The following ENOX1 variants were observed in gnomAD, a reference collection of about 807,000 sequenced individuals.
ENOX1 encodes candidate growth-related and time keeping constitutive hydroquinone (NADH) oxidase.
A neutral mutation model predicts 82.5 loss-of-function variants in ENOX1; 42 were observed. That is an observed-to-expected ratio of 0.51 (90% CI 0.40 to 0.66). The LOEUF (loss-of-function observed/expected upper bound fraction) is 0.66. Ranked by LOEUF, ENOX1 falls within the 30% of genes least tolerant of loss-of-function variation. The pLI is 0.00. For synonymous variants in ENOX1, 271 were observed against 282.2 expected (o/e 0.96, Z 0.40); for missense variants, 608 against 811.6 (o/e 0.75, Z 3.05).
intron 3 of ENOX1, among the ~76,000 whole-genome samples, chr13:43,466,441 T>C (rs1425544808): frequency 1.3e-5 from 2 of 152,140 alleles, no homozygotes; most frequent in Non-Finnish European, 2.9e-5. Flanking sequence ...CTCTCACCAC[T>C]TGTACTCAGC....
At chr13:43,435,020 G>C (rs1342064666) in intron 3 of ENOX1, among the ~76,000 whole-genome samples, 4 of 138,530 alleles carry the variant, frequency 2.9e-5, no homozygotes, top group Non-Finnish European at 4.5e-5. Flanking sequence ...TTGTACACAA[G>C]AGGCAAGGAG....
chr13:43,303,002 A>G (rs1025702483), intron 11 of ENOX1, among the ~76,000 whole-genome samples: 16 of 152,374 alleles, frequency 1.1e-4, no homozygotes, highest in Admixed American at 8.5e-4. Flanking sequence ...GTGTTTCTCC[A>G]GAACTCTTAG....
intron 1 of ENOX1, among the ~76,000 whole-genome samples, chr13:43,703,900 A>G (rs1220112457): frequency 6.6e-6 from 1 of 152,030 alleles, no homozygotes; most frequent in Non-Finnish European, 1.5e-5. Context: ...TTATAGCAAA[A>G]TGGTAAACTA....
At chr13:43,425,751 G>A (rs1293715579) in intron 3 of ENOX1, among the ~76,000 whole-genome samples, 3 of 152,136 alleles carry the variant, frequency 2.0e-5, no homozygotes, top group African/African-American at 4.8e-5. Flanking sequence ...TTAACTAAAT[G>A]TTTATAAATT....
At chr13:43,623,146 A>G (rs2082814204) in intron 2 of ENOX1, among the ~76,000 whole-genome samples, 1 of 152,058 alleles carries the variant, frequency 6.6e-6, no homozygotes, top group East Asian at 1.9e-4. Context: ...CCAGGCAGAG[A>G]GCAATACGAG....
chr13:43,488,753 A>G (rs1020532259), intron 2 of ENOX1, among the ~76,000 whole-genome samples: 4 of 152,230 alleles, frequency 2.6e-5, no homozygotes, highest in African/African-American at 9.6e-5. Context: ...GAATGTTGGT[A>G]TAAGCATGAA....
At chr13:43,574,922 T>C (rs960101782) in intron 2 of ENOX1, among the ~76,000 whole-genome samples, 1 of 152,182 alleles carries the variant, frequency 6.6e-6, no homozygotes, top group African/African-American at 2.4e-5. Flanking sequence ...GTCATGCCTC[T>C]TCTTAACCAG....
intron 5 of ENOX1, among the ~76,000 whole-genome samples, chr13:43,398,207 G>A (rs757542630): frequency 6.6e-6 from 1 of 152,152 alleles, no homozygotes; most frequent in Admixed American, 6.5e-5. Flanking sequence ...CTCAATACAC[G>A]AGTTTTAATT....
chr13:43,227,151 T>G (rs935648107), intron 15 of ENOX1, among the ~76,000 whole-genome samples: 1 of 152,114 alleles, frequency 6.6e-6, no homozygotes, highest in Non-Finnish European at 1.5e-5. Flanking sequence ...GAGAGGTTGA[T>G]AACCCTTAGC....
At chr13:43,321,301 G>A (rs1250272159) in intron 11 of ENOX1, among the ~76,000 whole-genome samples, 1 of 152,162 alleles carries the variant, frequency 6.6e-6, no homozygotes, top group African/African-American at 2.4e-5. Context: ...TTTCTAATAA[G>A]TTCCTAGATG....
chr13:43,222,015 C>T (rs777723884), intron 16 of ENOX1, among the ~76,000 whole-genome samples: 1 of 152,308 alleles, frequency 6.6e-6, no homozygotes. Flanking sequence ...TGAGAAGGAA[C>T]CTGACAGCTC....
intron 12 of ENOX1, among the ~76,000 whole-genome samples, chr13:43,283,840 T>C (rs969986069): frequency 1.3e-5 from 2 of 152,146 alleles, no homozygotes; most frequent in South Asian, 2.1e-4. Flanking sequence ...CTTTAAGTTC[T>C]GCTTTAGCTG....
chr13:43,500,946 G>A lies in ENOX1; in HGVS notation c.-218-16794C>T, dbSNP rs145988084. 5.8e-3 allele frequency among the ~76,000 whole-genome samples: 876 copies of A among 151,822 alleles called. 6 individuals are homozygous for A. Among genetic ancestry groups the A allele is most frequent in the Admixed American group, 9.5e-3 (145 of 15,248 alleles). The stretch of plus-strand genomic sequence containing the variant: ...AGTAGATACAAAAGATAGAATAAAA[G>A]CTTATTACTACAAAAGCTCACATAA... On this transcript the variant is annotated intron_variant, in intron 2 of 16. Coordinates refer to ENST00000690772, the MANE Select transcript of ENOX1 (RefSeq NM_001347969.2).
At chr13:43,313,813 G>T (rs1159683557) in intron 11 of ENOX1, among the ~76,000 whole-genome samples, 1 of 152,094 alleles carries the variant, frequency 6.6e-6, no homozygotes, top group Non-Finnish European at 1.5e-5. Flanking sequence ...TTTCAAGACT[G>T]CTCATGGATA....
intron 3 of ENOX1, among the ~76,000 whole-genome samples, chr13:43,471,378 C>G (rs1470768771): frequency 2.6e-5 from 4 of 151,948 alleles, no homozygotes; most frequent in Admixed American, 6.6e-5. Flanking sequence ...CGGAAATTCA[C>G]TCATAAAAGT....
At chr13:43,656,117 T>C (rs7331003) in intron 2 of ENOX1, among the ~76,000 whole-genome samples, 81,953 of 152,048 alleles carry the variant, frequency 0.54, 22,206 homozygotes, top group Middle Eastern at 0.65. Context: ...AGTTTTATTA[T>C]GCATGTGTAT....
intron 1 of ENOX1, among the ~76,000 whole-genome samples, chr13:43,770,211 C>T (rs1397145484): frequency 1.3e-5 from 2 of 152,262 alleles, no homozygotes; most frequent in South Asian, 2.1e-4. Flanking sequence ...GAAGTTTGGA[C>T]GAAGTTAGCA....
At position 43,628,818 on chromosome 13, in the gene ENOX1, C is replaced by A. The variant is rs1281573917; in HGVS notation, c.-219+38661G>T. Among the ~76,000 whole-genome samples the A allele has an allele frequency of 3.3e-5, 5 of 152,290 alleles. No individual in the cohort carries two copies. The East Asian group carries it at 7.7e-4, about 24-fold the overall frequency. On this transcript the variant is annotated intron_variant, in intron 2 of 16. Coordinates refer to ENST00000690772, the MANE Select transcript of ENOX1 (RefSeq NM_001347969.2). The stretch of plus-strand genomic sequence containing the variant: ...TTGCCAGGTATAAAGGTCCAGGTTC[C>A]CCACTTGGCCTTCGCTGACACCCAA...
At chr13:43,649,703 T>C (rs752299488) in intron 2 of ENOX1, among the ~76,000 whole-genome samples, 2 of 151,918 alleles carry the variant, frequency 1.3e-5, no homozygotes, top group Non-Finnish European at 2.9e-5. Flanking sequence ...AGGTCAAAAG[T>C]AGCACACACA....
Sources: gnomAD v4.1 joint callset for allele counts (sites outside exome capture counted in the v4.1 genomes callset) on GRCh38, gnomAD v4.1.1 for gene constraint, MANE v1.5 for transcripts, NCBI Gene and HGNC (gene_info 2026-07-23, HGNC 2026-07-21) for gene names.